Variants in GSG1L2 observed in about 807,000 individuals in gnomAD.
The protein encoded by GSG1L2 is GSG1 like 2, also known as germ cell-specific gene 1-like protein 2.
GSG1L2 carries 15 observed loss-of-function variants against 9.0 expected under a neutral mutation model. The observed-to-expected ratio is 1.67, with a 90% CI of 1.12 to 2.57. GSG1L2 has a LOEUF of 2.57. Ranked by LOEUF, GSG1L2 falls within the 30% of genes most tolerant of loss-of-function variation. The probability of loss-of-function intolerance (pLI) is 0.00; values close to 1 mark genes in which losing one functional copy is unlikely to be tolerated. For missense variants in GSG1L2, 286 were observed against 150.3 expected, an observed-to-expected ratio of 1.90 and a Z score of -4.72; for synonymous variants, 127 against 57.9, an observed-to-expected ratio of 2.19 and a Z score of -5.41.
At chr17:9,814,307 A>C (rs563680736) in intron 1 of GSG1L2, among the ~76,000 whole-genome samples, 1 of 152,226 alleles carries the variant, frequency 6.6e-6, no homozygotes, top group Non-Finnish European at 1.5e-5. Context: ...CCTGGAGGAG[A>C]CCAGGCTCAT....
At chr17:9,819,052 A>T (rs572570410) in intron 1 of GSG1L2, among the ~76,000 whole-genome samples, 1 of 152,246 alleles carries the variant, frequency 6.6e-6, no homozygotes, top group African/African-American at 2.4e-5. Flanking sequence ...TTTGATGTAC[A>T]CTGAGGTGGG....
At chr17:9,808,358 T>A (rs576198813) in intron 3 of GSG1L2, among the ~76,000 whole-genome samples, 6 of 152,358 alleles carry the variant, frequency 3.9e-5, no homozygotes, top group African/African-American at 1.4e-4. Flanking sequence ...ATACTTTTTT[T>A]AAAACTACCA....
chr17:9,818,187 G>A (rs2066574880), intron 1 of GSG1L2, among the ~76,000 whole-genome samples: 1 of 152,168 alleles, frequency 6.6e-6, no homozygotes, highest in Non-Finnish European at 1.5e-5. Context: ...CATAGCACTG[G>A]CATCTGCTCA....
intron 4 of GSG1L2, among the ~76,000 whole-genome samples, chr17:9,805,874 C>A (rs114108490): frequency 2.6e-5 from 4 of 152,108 alleles, no homozygotes; most frequent in Non-Finnish European, 5.9e-5. Flanking sequence ...CTAAAAGCCA[C>A]GCCACTAAAC....
At chr17:9,809,231 A>G (rs1334920974) in intron 2 of GSG1L2, 4 of 471,222 alleles carry the variant, frequency 8.5e-6, no homozygotes, top group African/African-American at 2.0e-5. Context: ...ACTAAGCAAA[A>G]CCCTGCTGTG....
chr17:9,811,799 C>T (rs375280834), intron 1 of GSG1L2, among the ~76,000 whole-genome samples: 8 of 152,292 alleles, frequency 5.3e-5, no homozygotes, highest in East Asian at 3.9e-4. Flanking sequence ...CTGCAGAGCC[C>T]GGGCCCAGCG....
Position 9,814,366 on chromosome 17 carries a change from C to T in GSG1L2, c.311-3748G>A, listed in dbSNP as rs142852930. 3.7e-4 allele frequency among the ~76,000 whole-genome samples: 56 copies of T among 152,302 alleles called. No homozygotes were observed. The East Asian group carries it at 9.5e-3, about 26-fold the overall frequency. On this transcript the variant is annotated intron_variant, in intron 1 of 4. Coordinates refer to ENST00000399363, the MANE Select transcript of GSG1L2 (RefSeq NM_001310219.2). ...AAAAACCAGAGTTTCTCACCTAAGA[C>T]TCAGAGGCCTTTTCTGAATCGCTTC...
chr17:9,816,522 C>CTGTGTGTGTGTG (rs1491196761), intron 1 of GSG1L2, among the ~76,000 whole-genome samples: 15,242 of 140,100 alleles, frequency 0.11, 942 homozygotes, highest in South Asian at 0.21. Flanking sequence ...GTGTGCGTGT[C>CTGTGTGTGTGTG]TGTGTCTCTG....
intron 4 of GSG1L2, among the ~76,000 whole-genome samples, chr17:9,803,315 C>T (rs529288519): frequency 8.5e-5 from 13 of 152,228 alleles, no homozygotes; most frequent in African/African-American, 2.9e-4. Flanking sequence ...GTTGGCCAGG[C>T]CGGTCTTGAC....
intron 1 of GSG1L2, among the ~76,000 whole-genome samples, chr17:9,817,481 G>C (rs916118667): frequency 6.7e-6 from 1 of 149,522 alleles, no homozygotes; most frequent in African/African-American, 2.5e-5. Context: ...CTGGAGTACA[G>C]TGGTGCGATC....
At chr17:9,809,161 G>C in intron 2 of GSG1L2, 179 bp from the exon 3 acceptor site, 1 of 581,056 alleles carries the variant, frequency 1.7e-6, no homozygotes, top group East Asian at 2.9e-5. Flanking sequence ...CCTCAGGGCT[G>C]AAAGAGACGG....
intron 1 of GSG1L2, among the ~76,000 whole-genome samples, chr17:9,811,957 G>A (rs1009256243): frequency 2.6e-5 from 4 of 151,722 alleles, no homozygotes; most frequent in Non-Finnish European, 2.9e-5. Flanking sequence ...CAAAGGAATG[G>A]CATTCTTATC....
intron 1 of GSG1L2, among the ~76,000 whole-genome samples, chr17:9,819,565 A>G (rs761909333): frequency 6.6e-6 from 1 of 152,204 alleles, no homozygotes; most frequent in Non-Finnish European, 1.5e-5. Flanking sequence ...TTGATTTTTC[A>G]TAGTAGCTTT....
rs538264134 is a variant in GSG1L2 at position 9,818,847 on chromosome 17, C to T, written c.310+2915G>A. ...TTCCATTTCCACATCATAGGTGCAT[C>T]CTTGTTATAACCATTATCATATTTG... is the stretch of plus-strand genomic sequence containing the variant. On this transcript the variant is annotated intron_variant, in intron 1 of 4. Transcript: ENST00000399363. Among the ~76,000 whole-genome samples the T allele has an allele frequency of 2.0e-5, 3 of 152,276 alleles. No homozygotes were observed. The East Asian group carries it at 5.8e-4, about 29-fold the overall frequency.
At chr17:9,807,814 C>G in intron 3 of GSG1L2, 1 of 504,432 alleles carries the variant, frequency 2.0e-6, no homozygotes, top group South Asian at 2.1e-5. Flanking sequence ...GAGGACCTGT[C>G]AGAACCTGGG....
chr17:9,812,455 C>A (rs1366185667), intron 1 of GSG1L2, among the ~76,000 whole-genome samples: 1 of 152,118 alleles, frequency 6.6e-6, no homozygotes, highest in Non-Finnish European at 1.5e-5. Context: ...CCAGCATTCA[C>A]CTTCCACCTC....
intron 4 of GSG1L2, chr17:9,805,000 T>C (rs984398895): frequency 6.6e-6 from 1 of 151,550 alleles, no homozygotes; most frequent in African/African-American, 2.4e-5. Flanking sequence ...GCTTGGAAAA[T>C]TAAAATAAGT....
At chr17:9,819,798 A>C in intron 1 of GSG1L2, among the ~76,000 whole-genome samples, 1 of 151,892 alleles carries the variant, frequency 6.6e-6, no homozygotes, top group South Asian at 2.1e-4. Context: ...ACGCCCAGCT[A>C]TTTTTTTGTA....
chr17:9,820,038 T>A lies in GSG1L2; in HGVS notation c.310+1724A>T, dbSNP rs2066582922. On this transcript the variant is annotated intron_variant, in intron 1 of 4. Coordinates refer to ENST00000399363, the MANE Select transcript of GSG1L2 (RefSeq NM_001310219.2). This position sits in a 1 kb window ranked among gnomAD's most constrained non-coding sequence, Gnocchi z 4.9. ...CCAGGAGGTGGAAGTTGCAGTGAGC[T>A]GAGATTGCGCCGTTGCAATCCAGCC... 6.6e-6 allele frequency among the ~76,000 whole-genome samples: 1 copy of A among 151,992 alleles called. No homozygotes were observed. The highest frequency in any genetic ancestry group is 2.4e-5 in the African/African-American group (1 of 41,428).
Sources: gnomAD v4.1 joint callset for allele counts (sites outside exome capture counted in the v4.1 genomes callset) on GRCh38, gnomAD v4.1.1 for gene constraint, Gnocchi (gnomAD v3.1) non-coding constraint, MANE v1.5 for transcripts, NCBI Gene and HGNC (gene_info 2026-07-23, HGNC 2026-07-21) for gene names.